The following NDUFV3 variants were observed in gnomAD, a reference collection of about 807,000 sequenced individuals.
NDUFV3 encodes the protein NADH dehydrogenase [ubiquinone] flavoprotein 3, mitochondrial.
Under a neutral mutation model 37.5 loss-of-function variants are expected in NDUFV3, and 44 were observed. That is an observed-to-expected ratio of 1.17 (90% CI 0.92 to 1.51). The LOEUF (loss-of-function observed/expected upper bound fraction) is 1.51, where lower values mean the gene tolerates loss of function less well. Ranked by LOEUF, NDUFV3 falls within the 40% of genes most tolerant of loss-of-function variation. The pLI is 0.00. For missense variants in NDUFV3, 580 were observed against 580.4 expected, an observed-to-expected ratio of 1.00 and a Z score of 0.01; for synonymous variants, 235 against 239.3, an observed-to-expected ratio of 0.98 and a Z score of 0.17.
Position 42,903,803 on chromosome 21 carries a change from A to G in NDUFV3, c.791A>G (p.Lys264Arg). The change falls in exon 3 of 4, where the codon AAG (lysine) becomes AGG (arginine). Residue 264 changes from lysine (K) to arginine (R), a missense_variant. Transcript: ENST00000354250. Reference protein sequence around the residue: ...VDEEFLKQSLKEKQLQKTFRL... With the variant: ...VDEEFLKQSLREKQLQKTFRL... ...GAAGAGTTTTTGAAGCAAAGTTTAA[A>G]GGAAAAACAATTGCAGAAAACATTT... 6.2e-7 allele frequency: 1 copy of G among 1,614,168 alleles called. No homozygotes were observed. Among genetic ancestry groups the G allele is most frequent in the Non-Finnish European group, 8.5e-7 (1 of 1,180,030 alleles).
Position 42,909,674 on chromosome 21 carries a change from T to C in NDUFV3, c.*653T>C, listed in dbSNP as rs1213999360. The C allele has an allele frequency of 6.5e-6, 1 of 153,170 alleles. No individual in the cohort carries two copies. Among genetic ancestry groups the C allele is most frequent in the East Asian group, 1.9e-4 (1 of 5,186 alleles). 9.5% of individuals were successfully genotyped at this position (153,170 alleles called of 1,614,324 possible). A position where few individuals can be genotyped will look rare whatever the true frequency, so the allele number is the denominator to read the frequency against. On this transcript the variant is annotated 3_prime_UTR_variant, in exon 4 of 4. Coordinates refer to ENST00000354250, the MANE Select transcript of NDUFV3 (RefSeq NM_021075.4). ...CTGATTATCAGCTGAGTATCAATAA[T>C]GTAATAGTGACTTCTTTTATTTTTT...
rs373097524 is a variant in NDUFV3, at chr21:42,896,737, G to A, written c.49-190G>A. On this transcript the variant is annotated intron_variant, in intron 1 of 3. Transcript: ENST00000354250. ...CATGGTAGTATGTGCCTGTAGTCCT[G>A]GCTATGTCAGAGTATCGCTTGGACC... Among the ~76,000 whole-genome samples the A allele has an allele frequency of 1.4e-4, 22 of 152,162 alleles. 1 individual carries two copies. In the South Asian group the frequency reaches 2.1e-3, roughly 14 times the overall value.
chr21:42,903,582 C>T lies in NDUFV3; in HGVS notation c.570C>T (p.Ala190=), dbSNP rs961272737. The T allele has an allele frequency of 1.2e-6, 2 of 1,613,924 alleles. No homozygotes were observed. Among genetic ancestry groups the T allele is most frequent in the East Asian group, 4.5e-5 (2 of 44,886 alleles). ...KGRGGLRKPE[A]SHSFENRAPR... ...GAGGGGGGCTTCGAAAACCAGAGGCCTCTCATTCCTTTGAAAACAGAGCCC... is the reference window on the plus strand; with the variant it reads ...GAGGGGGGCTTCGAAAACCAGAGGCTTCTCATTCCTTTGAAAACAGAGCCC... The change falls in exon 3 of 4, where the codon GCC becomes GCT. Residue 190 remains alanine (A), a synonymous_variant. Coordinates refer to ENST00000354250, the MANE Select transcript of NDUFV3 (RefSeq NM_021075.4).
At chr21:42,895,248 C>A (rs1250274387) in intron 1 of NDUFV3, among the ~76,000 whole-genome samples, 1 of 151,980 alleles carries the variant, frequency 6.6e-6, no homozygotes, top group South Asian at 2.1e-4. Flanking sequence ...TTTGAGAAGC[C>A]AAGGTGGGTG....
chr21:42,901,074 GTT>G (rs1286563284), intron 2 of NDUFV3, among the ~76,000 whole-genome samples: 1 of 152,054 alleles, frequency 6.6e-6, no homozygotes, highest in African/African-American at 2.4e-5. Context: ...CCTTGTTTCA[GTT>G]TTAAAAGTAA....
chr21:42,897,350 C>T (rs371247063), intron 2 of NDUFV3, among the ~76,000 whole-genome samples: 3 of 152,194 alleles, frequency 2.0e-5, no homozygotes, highest in Non-Finnish European at 2.9e-5. Context: ...TAGATGGCCC[C>T]GGCACAGTGA....
intron 2 of NDUFV3, among the ~76,000 whole-genome samples, chr21:42,899,428 C>T (rs954903480): frequency 5.5e-5 from 8 of 146,524 alleles, no homozygotes; most frequent in Non-Finnish European, 9.0e-5. Flanking sequence ...TGCACCACCA[C>T]GCCTGGCTAA....
intron 3 of NDUFV3, among the ~76,000 whole-genome samples, chr21:42,906,229 A>G (rs1484522837): frequency 6.6e-6 from 1 of 152,182 alleles, no homozygotes; most frequent in Non-Finnish European, 1.5e-5. Context: ...GTCGTGGCAA[A>G]CATGAAAAGG....
intron 3 of NDUFV3, among the ~76,000 whole-genome samples, chr21:42,907,784 T>A (rs931804288): frequency 6.6e-6 from 1 of 151,206 alleles, no homozygotes; most frequent in African/African-American, 2.4e-5. Flanking sequence ...AGAGACAGAG[T>A]CTCACTATTT....
In NDUFV3 at chr21:42,904,047, G is replaced by A. The variant is rs1203656507; in HGVS notation, c.1035G>A (p.Ala345=). ...CCGTGCCAGAGCCCCAGCGCAAGGC[G>A]GCCCCTCCCCTGCCCAGAAAGGAAA... The part of the protein sequence containing the change: ...EKPVPEPQRK[A]APPLPRKETS... Residue 345 remains alanine, a synonymous_variant, in exon 3 of 4, where the codon GCG becomes GCA. Coordinates refer to ENST00000354250, the MANE Select transcript of NDUFV3 (RefSeq NM_021075.4). 4.5e-5 allele frequency: 73 copies of A among 1,614,032 alleles called. No homozygotes were observed. Among genetic ancestry groups the A allele is most frequent in the Admixed American group, 1.2e-4 (7 of 59,998 alleles).
At chr21:42,898,091 T>C (rs944905221) in intron 2 of NDUFV3, among the ~76,000 whole-genome samples, 1 of 152,240 alleles carries the variant, frequency 6.6e-6, no homozygotes, top group Non-Finnish European at 1.5e-5. Context: ...TCTTTTGTTT[T>C]CTTCCTCCTT....
chr21:42,897,406 G>GTTTGTTTTGTTTTGT lies in NDUFV3; in HGVS notation c.169+382_169+396dup, dbSNP rs77051374. On this transcript the variant is annotated intron_variant, in intron 2 of 3. Transcript: ENST00000354250. ...ACTTTCCATCCTCTGATGCTGAGTT[G>GTTTGTTTTGTTTTGT]TTTGTTTTGTTTTGTTTTGTTTTGT... is the stretch of plus-strand genomic sequence containing the variant. Among the ~76,000 whole-genome samples, 82 of 150,588 alleles carry GTTTGTTTTGTTTTGT rather than the reference G, an allele frequency of 5.4e-4. 1 individual carries two copies. Among genetic ancestry groups the GTTTGTTTTGTTTTGT allele is most frequent in the African/African-American group, 1.9e-3 (76 of 40,970 alleles).
intron 2 of NDUFV3, among the ~76,000 whole-genome samples, chr21:42,897,520 T>C (rs138557845): frequency 0.021 from 3,238 of 152,168 alleles, 104 homozygotes; most frequent in African/African-American, 0.072. Context: ...ACTACAGGCA[T>C]GTGCCACCAC....
chr21:42,908,736 T>C, intron 3 of NDUFV3, 128 bp from the exon 4 acceptor site: 3 of 1,072,952 alleles, frequency 2.8e-6, no homozygotes, highest in Non-Finnish European at 4.2e-6. Flanking sequence ...GCCAAGTCAT[T>C]CATAAAGAGC....
rs141922962 is a variant in NDUFV3, at chr21:42,897,046, A to C, written c.168A>C (p.Lys56Asn). ...PQNSKKQSPP[K>N]NVVEPKERGK... ...ATTCCAAGAAGCAAAGTCCACCAAAAAGTAAGATTTTGATGGTAGTCATAA... is the reference window on the plus strand; with the variant it reads ...ATTCCAAGAAGCAAAGTCCACCAAACAGTAAGATTTTGATGGTAGTCATAA... Residue 56 changes from lysine (K) to asparagine (N), a missense_variant and splice_region_variant, in exon 2 of 4, where the codon AAA becomes AAC. Physicochemically the swap from Lys to Asn is moderately conservative, Grantham distance 94. Coordinates refer to ENST00000354250, the MANE Select transcript of NDUFV3 (RefSeq NM_021075.4). 9,143 of 1,613,980 alleles carry C rather than the reference A, an allele frequency of 5.7e-3. 37 individuals are homozygous for C. The highest frequency in any genetic ancestry group is 0.016 in the Middle Eastern group (96 of 6,062).
At chr21:42,908,760 G>A (rs2058753594) in intron 3 of NDUFV3, 104 bp from the exon 4 acceptor site, 1 of 1,347,706 alleles carries the variant, frequency 7.4e-7, no homozygotes, top group South Asian at 1.2e-5. Flanking sequence ...TCACAGATAG[G>A]GATGATGAAG....
At position 42,903,714 on chromosome 21, in the gene NDUFV3, T is replaced by C. The variant is rs771067617; in HGVS notation, c.702T>C (p.Ala234=). The change falls in exon 3 of 4, where the codon GCT becomes GCC. Residue 234 remains alanine, a synonymous_variant. Transcript: ENST00000354250. ...PHQPKKKGSP[A]KPSEGRENAR... ...AGCCAAAGAAGAAAGGGTCCCCTGC[T>C]AAGCCATCAGAAGGCAGGGAAAATG... 1 of 1,614,046 alleles carries C rather than the reference T, an allele frequency of 6.2e-7. No homozygotes were observed. The highest frequency in any genetic ancestry group is 1.3e-5 in the African/African-American group (1 of 74,930).
intron 1 of NDUFV3, among the ~76,000 whole-genome samples, chr21:42,896,518 T>C (rs545897023): frequency 1.8e-4 from 28 of 151,980 alleles, no homozygotes; most frequent in Middle Eastern, 3.4e-3. Flanking sequence ...CCTCAAGTGA[T>C]CCGCCCACCT....
chr21:42,895,875 C>T (rs1369579071), intron 1 of NDUFV3, among the ~76,000 whole-genome samples: 2 of 151,794 alleles, frequency 1.3e-5, no homozygotes, highest in African/African-American at 4.8e-5. Flanking sequence ...CTGTAATAAC[C>T]ATTAGAAGTA....
Sources: gnomAD v4.1 joint callset for allele counts (sites outside exome capture counted in the v4.1 genomes callset) on GRCh38, gnomAD v4.1.1 for gene constraint, MANE v1.5 for transcripts, NCBI Gene and HGNC (gene_info 2026-07-23, HGNC 2026-07-21) for gene names.